Variants in OOEP observed in about 807,000 individuals in gnomAD.
OOEP encodes the protein oocyte expressed protein, also known as oocyte-expressed protein homolog.
OOEP carries 16 observed loss-of-function variants against 13.7 expected under a neutral mutation model. That is an observed-to-expected ratio of 1.16 (90% CI 0.79 to 1.77). The LOEUF (loss-of-function observed/expected upper bound fraction) is 1.77, where lower values mean the gene tolerates loss of function less well. Among genes scored for constraint, OOEP ranks in the 40% most tolerant of loss-of-function variants. The pLI is 0.00. For missense variants in OOEP, 195 were observed against 193.1 expected (o/e 1.01, Z -0.06); for synonymous variants, 89 against 77.1 (o/e 1.15, Z -0.81).
Position 73,369,826 on chromosome 6 carries a change from C to A in OOEP, c.-34G>T. 2 of 1,592,860 alleles carry A rather than the reference C, an allele frequency of 1.3e-6. No homozygotes were observed. Among genetic ancestry groups the A allele is most frequent in the Non-Finnish European group, 1.7e-6 (2 of 1,167,896 alleles). On this transcript the variant is annotated 5_prime_UTR_variant, in exon 1 of 3. Coordinates refer to ENST00000370359, the MANE Select transcript of OOEP (RefSeq NM_001080507.3). ...CAGCAGCCGCGGAGCGCGCTCGAGG[C>A]GGCTTTCGCAAGACCTCTTCCAGAC... is the stretch of plus-strand genomic sequence containing the variant.
exon 1 of OOEP, chr6:73,394,740 C>T: frequency 6.2e-6 from 6 of 966,848 alleles, no homozygotes; most frequent in Non-Finnish European, 9.0e-6. Flanking sequence ...TGCGTGAAAT[C>T]AGTGCGAAGT....
chr6:73,382,998 G>T (rs1334772037), intron 2 of OOEP, among the ~76,000 whole-genome samples: 1 of 151,460 alleles, frequency 6.6e-6, no homozygotes, highest in Non-Finnish European at 1.5e-5. Context: ...CACCATGCAC[G>T]TCTAATTTTT....
chr6:73,379,913 G>T (rs1769179260), intron 2 of OOEP, among the ~76,000 whole-genome samples: 1 of 152,010 alleles, frequency 6.6e-6, no homozygotes, highest in Non-Finnish European at 1.5e-5. Flanking sequence ...AATTAAATCT[G>T]TTGCAATATG....
chr6:73,369,700 C>T lies in OOEP; in HGVS notation c.93G>A (p.Pro31=). Reference sequence around the variant, plus strand: ...ACCAGGGCCGGATGCGAATCTGTGGCGGCGGAAGTGGTAACCTACGCAGCT... The same window carrying T: ...ACCAGGGCCGGATGCGAATCTGTGGTGGCGGAAGTGGTAACCTACGCAGCT... The part of the protein sequence containing the change: ...LEQLRRLPLP[P]PQIRIRPWWF... Residue 31 remains proline, a synonymous_variant, in exon 1 of 3, where the codon CCG becomes CCA. Transcript: ENST00000370359. The T allele has an allele frequency of 1.2e-6, 2 of 1,614,024 alleles. No individual in the cohort carries two copies. Among genetic ancestry groups the T allele is most frequent in the Non-Finnish European group, 1.7e-6 (2 of 1,179,888 alleles).
At chr6:73,386,282 C>T (rs533295704) in intron 2 of OOEP, among the ~76,000 whole-genome samples, 25 of 151,620 alleles carry the variant, frequency 1.6e-4, no homozygotes, top group Non-Finnish European at 3.5e-4. Flanking sequence ...TTAGTAGAGA[C>T]GGGGTTTCTC....
chr6:73,386,513 T>C (rs1769274305), intron 2 of OOEP, among the ~76,000 whole-genome samples: 1 of 152,200 alleles, frequency 6.6e-6, no homozygotes, highest in African/African-American at 2.4e-5. Flanking sequence ...AAAGTCTAAA[T>C]ACTTTTACAA....
At chr6:73,371,191 C>T (rs1443234292), upstream of OOEP, among the ~76,000 whole-genome samples, 1 of 152,178 alleles carries the variant, frequency 6.6e-6, no homozygotes, top group Non-Finnish European at 1.5e-5. Context: ...AGTTTTCTGC[C>T]CCTGATCCCA....
At chr6:73,394,658 A>G in intron 1 of OOEP, 1 of 580,776 alleles carries the variant, frequency 1.7e-6, no homozygotes, top group Non-Finnish European at 3.0e-6. Context: ...TTCAAGGCAC[A>G]CTCCCACGGT....
At chr6:73,381,878 G>A (rs1236406267) in intron 2 of OOEP, among the ~76,000 whole-genome samples, 4 of 152,116 alleles carry the variant, frequency 2.6e-5, no homozygotes, top group Admixed American at 6.6e-5. Context: ...CTACTTGGGA[G>A]GCTGAGGCTG....
At chr6:73,383,807 T>C (rs541489642) in intron 2 of OOEP, among the ~76,000 whole-genome samples, 152 of 152,098 alleles carry the variant, frequency 1.0e-3, no homozygotes, top group Non-Finnish European at 2.0e-3. Context: ...AGATCAGAAA[T>C]GAATGTAAGA....
chr6:73,376,075 C>T (rs1769133946), intron 2 of OOEP, among the ~76,000 whole-genome samples: 1 of 152,096 alleles, frequency 6.6e-6, no homozygotes, highest in Non-Finnish European at 1.5e-5. Context: ...TGAGCCACCG[C>T]ACCCAGCCGA....
In OOEP at chr6:73,395,033, A is replaced by G. The variant is rs1769435550; in HGVS notation, c.-433T>C. 1.9e-6 allele frequency: 3 copies of G among 1,614,106 alleles called. No individual in the cohort carries two copies. The African/African-American group carries it at 4.0e-5, about 22-fold the overall frequency. ...TTGAATCGAACAGGTCCTGAGGGATATAGTGTCGGCAGAGGTGGTCGCTGG... is the reference window on the plus strand; with the variant it reads ...TTGAATCGAACAGGTCCTGAGGGATGTAGTGTCGGCAGAGGTGGTCGCTGG... On this transcript the variant is annotated 5_prime_UTR_variant, in exon 1 of 4. Coordinates refer to the OOEP transcript ENST00000370363.
At chr6:73,386,189 G>A (rs1159590969) in intron 2 of OOEP, among the ~76,000 whole-genome samples, 2 of 151,514 alleles carry the variant, frequency 1.3e-5, no homozygotes, top group East Asian at 3.9e-4. Flanking sequence ...CTGCCTCCCG[G>A]GTTCAAGCGA....
chr6:73,394,303 GT>G (rs529851216), intron 2 of OOEP: 101 of 714,228 alleles, frequency 1.4e-4, no homozygotes, highest in Non-Finnish European at 2.3e-4. Context: ...GTTGTTTCAA[GT>G]TTTTTATGTG....
At chr6:73,380,981 T>C (rs1769197618) in intron 2 of OOEP, among the ~76,000 whole-genome samples, 1 of 151,588 alleles carries the variant, frequency 6.6e-6, no homozygotes, top group Non-Finnish European at 1.5e-5. Context: ...AAACCCTATC[T>C]CTACTAAAAA....
chr6:73,369,890 C>T lies in OOEP; in HGVS notation c.-98G>A. ...TCGGGCTCTCTTTTACCATATTCGA[C>T]CCGCTCCGCCCCTTCCGGCGGCGCC... On this transcript the variant is annotated 5_prime_UTR_variant, in exon 1 of 3. Transcript: ENST00000370359. The T allele has an allele frequency of 9.0e-7, 1 of 1,115,420 alleles. No individual in the cohort carries two copies. Among genetic ancestry groups the T allele is most frequent in the African/African-American group, 1.5e-5 (1 of 64,740 alleles). 69.1% of individuals were successfully genotyped at this position (1,115,420 alleles called of 1,614,324 possible). A position where few individuals can be genotyped will look rare whatever the true frequency, so the allele number is the denominator to read the frequency against.
chr6:73,370,433 C>T (rs778125751), upstream of OOEP, among the ~76,000 whole-genome samples: 2 of 151,074 alleles, frequency 1.3e-5, no homozygotes, highest in Non-Finnish European at 2.9e-5. Context: ...CAACCATTAT[C>T]GATGGACATT....
At position 73,368,830 on chromosome 6, in the gene OOEP, T is replaced by C; in HGVS notation, c.404A>G (p.Lys135Arg). The change falls in exon 3 of 3, where the codon AAG becomes AGG. Residue 135 changes from lysine (K) to arginine (R), a missense_variant. Transcript: ENST00000370359. ...EKMKHLEKNL[K>R]AHASDPHSPQ... Reference sequence around the variant, plus strand: ...AGAGTGGGGGTCTGATGCATGGGCCTTCAAGTTCTTCTCAAGGTGTTTCAT... The same window carrying C: ...AGAGTGGGGGTCTGATGCATGGGCCCTCAAGTTCTTCTCAAGGTGTTTCAT... 1 of 1,613,580 alleles carries C rather than the reference T, an allele frequency of 6.2e-7. No individual in the cohort carries two copies. Among genetic ancestry groups the C allele is most frequent in the Non-Finnish European group, 8.5e-7 (1 of 1,179,522 alleles).
chr6:73,372,928 T>TA (rs1230273622), upstream of OOEP, among the ~76,000 whole-genome samples: 22 of 147,248 alleles, frequency 1.5e-4, no homozygotes, highest in Middle Eastern at 3.5e-3. Flanking sequence ...TTTTTTTTTT[T>TA]AAAAACGAAA....
Sources: allele counts gnomAD v4.1 joint callset (sites outside exome capture counted in the v4.1 genomes callset), GRCh38; gene constraint gnomAD v4.1.1; transcripts MANE v1.5; gene names NCBI Gene and HGNC (gene_info 2026-07-23, HGNC 2026-07-21).